The following DHRSX variants were observed in gnomAD, a reference collection of about 807,000 sequenced individuals.
DHRSX encodes polyprenol dehydrogenase.
A neutral mutation model predicts 34.0 loss-of-function variants in DHRSX; 31 were observed. That is an observed-to-expected ratio of 0.91 (90% CI 0.69 to 1.23). DHRSX has a LOEUF of 1.23. DHRSX is among the 50% of genes most tolerant of loss of function. The pLI, the probability that DHRSX is intolerant of heterozygous loss-of-function variation, is 0.00. For synonymous variants in DHRSX, 201 were observed against 183.8 expected (o/e 1.09, Z -0.76); for missense variants, 414 against 428.1 (o/e 0.97, Z 0.29).
At chrX:2,468,971 A>C (rs1927309521) in intron 1 of DHRSX, among the ~76,000 whole-genome samples, 1 of 152,088 alleles carries the variant, frequency 6.6e-6, no homozygotes, top group African/African-American at 2.4e-5. Flanking sequence ...CACCATGTAC[A>C]CACTGAAGAC....
intron 1 of DHRSX, among the ~76,000 whole-genome samples, chrX:2,475,281 T>A (rs1318751757): frequency 1.3e-5 from 2 of 151,024 alleles, no homozygotes; most frequent in Non-Finnish European, 3.0e-5. Context: ...CTGAAGACGT[T>A]CCCTAAGCAT....
chrX:2,442,098 T>C (rs1747119837), intron 1 of DHRSX, among the ~76,000 whole-genome samples: 1 of 152,194 alleles, frequency 6.6e-6, no homozygotes, highest in African/African-American at 2.4e-5. Context: ...CACATGTTTG[T>C]ATTTATTTTG....
rs761286872 is a variant in DHRSX at position 2,248,812 on chromosome X, G to A, written c.597-5582C>T. Among the ~76,000 whole-genome samples, 15 of 152,018 alleles carry A rather than the reference G, an allele frequency of 9.9e-5. 1 individual carries two copies. In the South Asian group the frequency reaches 2.9e-3, roughly 30 times the overall value. ...GCCTGTCTGTTTCCCCACTCAGACC[G>A]TCAGCCTTAGATCACACCCTCTTCC... is the stretch of plus-strand genomic sequence containing the variant. On this transcript the variant is annotated intron_variant, in intron 5 of 6. Transcript: ENST00000334651.
chrX:2,366,440 CAA>C (rs754305983), intron 3 of DHRSX, among the ~76,000 whole-genome samples: 9 of 129,804 alleles, frequency 6.9e-5, no homozygotes, highest in Non-Finnish European at 1.2e-4. Context: ...AACTCAGTCT[CAA>C]AAAAAAAAAG....
intron 1 of DHRSX, among the ~76,000 whole-genome samples, chrX:2,484,206 CAG>C (rs1458362753): frequency 6.6e-6 from 1 of 152,166 alleles, no homozygotes; most frequent in Non-Finnish European, 1.5e-5. Flanking sequence ...CTCCTGACCT[CAG>C]GCGATCCACC....
intron 6 of DHRSX, among the ~76,000 whole-genome samples, chrX:2,227,511 GAGAA>G (rs2015700839): frequency 8.0e-6 from 1 of 124,622 alleles, no homozygotes; most frequent in Admixed American, 8.9e-5. Flanking sequence ...AGGAAGGAGA[GAGAA>G]AGGAAGCAGA....
chrX:2,462,184 CAA>C (rs11358005), intron 1 of DHRSX, among the ~76,000 whole-genome samples: 12,163 of 119,188 alleles, frequency 0.1, 631 homozygotes, highest in East Asian at 0.26. Context: ...ATTAGTGCCT[CAA>C]AAAAAAAAAA....
chrX:2,225,919 A>T (rs1433133499), intron 6 of DHRSX, among the ~76,000 whole-genome samples: 1 of 151,930 alleles, frequency 6.6e-6, no homozygotes, highest in Non-Finnish European at 1.5e-5. Context: ...GAGACAGCTC[A>T]TAAGAAGAGG....
intron 5 of DHRSX, among the ~76,000 whole-genome samples, chrX:2,266,356 G>C (rs1373738938): frequency 6.8e-6 from 1 of 146,004 alleles, no homozygotes; most frequent in Non-Finnish European, 1.5e-5. Flanking sequence ...CAGAGCACCA[G>C]TGCTCGGCAG....
At chrX:2,443,092 G>T (rs1405846140) in intron 1 of DHRSX, among the ~76,000 whole-genome samples, 1 of 152,120 alleles carries the variant, frequency 6.6e-6, no homozygotes, top group African/African-American at 2.4e-5. Context: ...TAGTGCAGTG[G>T]TGTGATCATG....
intron 1 of DHRSX, among the ~76,000 whole-genome samples, chrX:2,442,757 G>A (rs1249561919): frequency 6.6e-6 from 1 of 152,130 alleles, no homozygotes; most frequent in East Asian, 1.9e-4. Flanking sequence ...AGTGTGACTT[G>A]TTAACTGCCA....
chrX:2,480,292 T>G (rs1419200747), intron 1 of DHRSX, among the ~76,000 whole-genome samples: 1 of 150,358 alleles, frequency 6.7e-6, no homozygotes, highest in Non-Finnish European at 1.5e-5. Context: ...TCATCTCGTA[T>G]GTAGAATCTA....
intron 3 of DHRSX, among the ~76,000 whole-genome samples, chrX:2,385,080 C>T (rs1034929282): frequency 3.3e-5 from 5 of 149,324 alleles, no homozygotes; most frequent in East Asian, 3.9e-4. Flanking sequence ...TCCAGCCTGG[C>T]GACAGAGTGA....
intron 1 of DHRSX, among the ~76,000 whole-genome samples, chrX:2,491,534 ACT>A (rs2045146113): frequency 6.6e-6 from 1 of 152,114 alleles, no homozygotes; most frequent in Admixed American, 6.6e-5. Flanking sequence ...TCACAGCAGG[ACT>A]CTCTGAATGC....
At chrX:2,246,740 G>A (rs1237217489) in intron 5 of DHRSX, among the ~76,000 whole-genome samples, 7 of 110,228 alleles carry the variant, frequency 6.4e-5, no homozygotes, top group Non-Finnish European at 9.4e-5. Context: ...AAGAAAGAAA[G>A]AAAGAAAGAA....
rs1349800703 is a variant in DHRSX at position 2,432,102 on chromosome X, G to C, written c.110-6798C>G. Among the ~76,000 whole-genome samples the C allele has an allele frequency of 2.0e-5, 3 of 152,226 alleles. No homozygotes were observed. In the East Asian group the frequency reaches 5.8e-4, roughly 29 times the overall value. Reference sequence around the variant, plus strand: ...CCAGCGACTCGGGAGGCTGAGGCAGGAGGATCGCTTGAACCCGGGAGGTGG... The same window carrying C: ...CCAGCGACTCGGGAGGCTGAGGCAGCAGGATCGCTTGAACCCGGGAGGTGG... On this transcript the variant is annotated intron_variant, in intron 1 of 6. Transcript: ENST00000334651.
intron 6 of DHRSX, among the ~76,000 whole-genome samples, chrX:2,231,555 CCTTT>C (rs1335500147): frequency 6.6e-6 from 1 of 150,624 alleles, no homozygotes; most frequent in Non-Finnish European, 1.5e-5. Flanking sequence ...CCTTCCTCTT[CCTTT>C]TTCTCTCTTC....
chrX:2,231,622 A>C (rs1323373964), intron 6 of DHRSX, among the ~76,000 whole-genome samples: 37 of 110,682 alleles, frequency 3.3e-4, no homozygotes, highest in African/African-American at 7.2e-4. Context: ...CTCCTTTCCC[A>C]TCTCTTTCTC....
intron 6 of DHRSX, among the ~76,000 whole-genome samples, chrX:2,235,914 C>T (rs2016003957): frequency 6.7e-6 from 1 of 149,866 alleles, no homozygotes; most frequent in Non-Finnish European, 1.5e-5. Context: ...GAGATCAAGA[C>T]CATCCCGGCC....
Sources: gnomAD v4.1 joint callset for allele counts (sites outside exome capture counted in the v4.1 genomes callset) on GRCh38, gnomAD v4.1.1 for gene constraint, MANE v1.5 for transcripts, NCBI Gene and HGNC (gene_info 2026-07-23, HGNC 2026-07-21) for gene names.